Variants in GLS observed in about 807,000 individuals in gnomAD.
The protein encoded by GLS is glutaminase kidney isoform, mitochondrial.
In GLS, 36 loss-of-function variants were observed where a neutral mutation model predicts 86.7. The observed-to-expected ratio is 0.42, with a 90% CI of 0.32 to 0.55. GLS has a LOEUF of 0.55. Ranked by LOEUF, GLS falls within the 20% of genes least tolerant of loss-of-function variation. The probability of loss-of-function intolerance (pLI) is 0.17; values close to 1 mark genes in which losing one functional copy is unlikely to be tolerated. For missense variants in GLS, 528 were observed against 833.4 expected (o/e 0.63, Z 4.51); for synonymous variants, 317 against 305.9 (o/e 1.04, Z -0.38).
At position 190,962,325 on chromosome 2, in the gene GLS, T is replaced by A. The variant is rs967431538; in HGVS notation, c.1854-505T>A. ...ATTCCTTTGGGGCCAATCTTGCTCC[T>A]CCAGTGTGTTTTAGCCCTAATGAGG... On this transcript the variant is annotated intron_variant, in intron 17 of 17. Coordinates refer to ENST00000320717, the MANE Select transcript of GLS (RefSeq NM_014905.5). This position sits in a 1 kb window ranked among gnomAD's most constrained non-coding sequence, Gnocchi z 4.2. Among the ~76,000 whole-genome samples, 2 of 152,210 alleles carry A rather than the reference T, an allele frequency of 1.3e-5. No homozygotes were observed. The highest frequency in any genetic ancestry group is 1.5e-5 in the Non-Finnish European group (1 of 68,042).
chr2:190,953,562 CA>C lies in GLS; in HGVS notation c.1651-2del. On this transcript the variant is annotated splice_acceptor_variant, in intron 14 of 17. Coordinates refer to ENST00000320717, the MANE Select transcript of GLS (RefSeq NM_014905.5). LOFTEE classifies it high-confidence loss of function. This position sits in a 1 kb window ranked among gnomAD's most constrained non-coding sequence, Gnocchi z 4.0. Reference sequence around the variant, plus strand: ...GGATGCCTAAACTTTCTTTTCTTCACAGGTAAAGTCAGTGATAAATCTTTTG... The same window carrying C: ...GGATGCCTAAACTTTCTTTTCTTCACGGTAAAGTCAGTGATAAATCTTTTG... 6.2e-7 allele frequency: 1 copy of C among 1,603,594 alleles called. No individual in the cohort carries two copies.
intron 17 of GLS, among the ~76,000 whole-genome samples, chr2:190,961,353 A>G (rs1299112973): frequency 6.6e-6 from 1 of 152,110 alleles, no homozygotes; most frequent in Non-Finnish European, 1.5e-5. Flanking sequence ...GTGTTCCACC[A>G]CGCCCAGCTA....
chr2:190,956,050 A>T lies in GLS; in HGVS notation c.1853+1232A>T, dbSNP rs1243701423. Among the ~76,000 whole-genome samples the T allele has an allele frequency of 6.6e-6, 1 of 152,060 alleles. No homozygotes were observed. Among genetic ancestry groups the T allele is most frequent in the African/African-American group, 2.4e-5 (1 of 41,398 alleles). Reference sequence around the variant, plus strand: ...TTTGTCAGATGGATAGATCGCAAAAATTTTCTCCCATTCTGTAGGTTGCCT... The same window carrying T: ...TTTGTCAGATGGATAGATCGCAAAATTTTTCTCCCATTCTGTAGGTTGCCT... On this transcript the variant is annotated intron_variant, in intron 17 of 17. Transcript: ENST00000320717. This position sits in a 1 kb window ranked among gnomAD's most constrained non-coding sequence, Gnocchi z 4.2.
Position 190,904,983 on chromosome 2 carries a change from TAAAAA to T in GLS, c.816-20_816-16del. 7.0e-7 allele frequency: 1 copy of T among 1,437,942 alleles called. No homozygotes were observed. The highest frequency in any genetic ancestry group is 9.7e-7 in the Non-Finnish European group (1 of 1,028,744). 89.1% of individuals were successfully genotyped at this position (1,437,942 alleles called of 1,614,324 possible). On this transcript the variant is annotated splice_polypyrimidine_tract_variant and intron_variant, in intron 5 of 17. Coordinates refer to ENST00000320717, the MANE Select transcript of GLS (RefSeq NM_014905.5). ...TTTTTTCCCAGTTGATGTTATTTTT[TAAAAA>T]TCTCCTTTTAAATAGGCATTCTACT...
Position 190,913,306 on chromosome 2 carries a change from T to G in GLS, c.1038+2985T>G. On this transcript the variant is annotated intron_variant, in intron 7 of 17. Transcript: ENST00000320717. The surrounding 1 kb of genome is among the most constrained non-coding windows in gnomAD (Gnocchi z 6.1). ...CAGAAGGAGCCTGTTGCATAAATTC[T>G]TAACTACTAAGCTTATAGGAAAACT... 1 of 1,274,592 alleles carries G rather than the reference T, an allele frequency of 7.8e-7. No homozygotes were observed. Among genetic ancestry groups the G allele is most frequent in the Non-Finnish European group, 1.0e-6 (1 of 977,686 alleles). 79.0% of individuals were successfully genotyped at this position (1,274,592 alleles called of 1,614,324 possible). A position where few individuals can be genotyped will look rare whatever the true frequency, so the allele number is the denominator to read the frequency against.
chr2:190,898,473 A>G (rs1462908010), intron 3 of GLS, among the ~76,000 whole-genome samples: 4 of 152,150 alleles, frequency 2.6e-5, no homozygotes, highest in Non-Finnish European at 5.9e-5. Flanking sequence ...ACTGTTTGGA[A>G]TGGTGATCGG....
chr2:190,906,560 G>C (rs1457098725), intron 6 of GLS, among the ~76,000 whole-genome samples: 1 of 152,106 alleles, frequency 6.6e-6, no homozygotes, highest in Non-Finnish European at 1.5e-5. Flanking sequence ...AAAACATAAA[G>C]TTTAACAAGA....
In GLS at chr2:190,949,819, A is replaced by G. The variant is rs921421778; in HGVS notation, c.1651-3746A>G. ...GTCAATAGATATTTAATGAGCACCT[A>G]TTATGTGTGATAGACACTGAGTTTA... On this transcript the variant is annotated intron_variant, in intron 14 of 17. Transcript: ENST00000320717. The surrounding 1 kb of genome is among the most constrained non-coding windows in gnomAD (Gnocchi z 4.0). 2.0e-5 allele frequency among the ~76,000 whole-genome samples: 3 copies of G among 152,036 alleles called. No individual in the cohort carries two copies. The highest frequency in any genetic ancestry group is 6.6e-5 in the Admixed American group (1 of 15,242).
chr2:190,919,925 A>C (rs1689680872), intron 7 of GLS: 1 of 152,810 alleles, frequency 6.5e-6, no homozygotes, highest in African/African-American at 2.4e-5. Context: ...ATGTGATTGC[A>C]CATCTTTCTT....
chr2:190,915,157 AT>A lies in GLS; in HGVS notation c.1038+4852del, dbSNP rs79204505. Among the ~76,000 whole-genome samples the A allele has an allele frequency of 3.3e-3, 453 of 138,856 alleles. 1 individual carries two copies. Among genetic ancestry groups the A allele is most frequent in the Middle Eastern group, 3.8e-3 (1 of 262 alleles). 91.1% of individuals were successfully genotyped at this position (138,856 alleles called of 152,430 possible). ...AGGCGCCCGCCACTGTGCCTGGCTA[AT>A]TTTTTTTTTTTTTTTGTATTTTTAG... On this transcript the variant is annotated intron_variant, in intron 7 of 17. Transcript: ENST00000320717.
At position 190,904,961 on chromosome 2, in the gene GLS, T is replaced by C. The variant is rs780646438; in HGVS notation, c.816-43T>C. On this transcript the variant is annotated intron_variant, in intron 5 of 17. Transcript: ENST00000320717. ...AATTCCAACTATGCAGTTACATTTTTTTCCCAGTTGATGTTATTTTTTAAA... is the reference window on the plus strand; with the variant it reads ...AATTCCAACTATGCAGTTACATTTTCTTCCCAGTTGATGTTATTTTTTAAA... The C allele has an allele frequency of 3.2e-5, 36 of 1,125,312 alleles. No homozygotes were observed. The East Asian group carries it at 3.8e-4, about 12-fold the overall frequency. 69.7% of individuals were successfully genotyped at this position (1,125,312 alleles called of 1,614,324 possible).
At chr2:190,882,764 G>A (rs1688246534) in intron 1 of GLS, among the ~76,000 whole-genome samples, 1 of 152,202 alleles carries the variant, frequency 6.6e-6, no homozygotes, top group South Asian at 2.1e-4. Flanking sequence ...ACAAAATAGC[G>A]TCCTGACCAT....
In GLS at chr2:190,924,804, A is replaced by C. The variant is rs1689847242; in HGVS notation, c.1248+211A>C. On this transcript the variant is annotated intron_variant, in intron 11 of 17. Transcript: ENST00000320717. The surrounding 1 kb of genome is among the most constrained non-coding windows in gnomAD (Gnocchi z 5.2). ...GTAGTGTGTGCCTGTAGTCCCAGTT[A>C]CTTGTGAGGCTGAGGCAGGAGAATC... 1 of 423,486 alleles carries C rather than the reference A, an allele frequency of 2.4e-6. No homozygotes were observed. Among genetic ancestry groups the C allele is most frequent in the Non-Finnish European group, 4.3e-6 (1 of 231,672 alleles). The allele number at this position is 423,486 out of a possible 1,614,324, so 26.2% of individuals were successfully genotyped here. A position where few individuals can be genotyped will look rare whatever the true frequency, so the allele number is the denominator to read the frequency against.
chr2:190,929,704 A>T (rs1294058652), intron 12 of GLS, among the ~76,000 whole-genome samples: 1 of 152,058 alleles, frequency 6.6e-6, no homozygotes, highest in Non-Finnish European at 1.5e-5. Context: ...TCCTGACCTC[A>T]GGTGATCTGC....
chr2:190,955,747 A>C lies in GLS; in HGVS notation c.1853+929A>C, dbSNP rs1024294393. ...TGAACTAATTTACACTCCCACTAACAGTGTAAAAGCGTTCCTATTTCTCCA... is the reference window on the plus strand; with the variant it reads ...TGAACTAATTTACACTCCCACTAACCGTGTAAAAGCGTTCCTATTTCTCCA... On this transcript the variant is annotated intron_variant, in intron 17 of 17. Transcript: ENST00000320717. The surrounding 1 kb of genome is among the most constrained non-coding windows in gnomAD (Gnocchi z 5.6). Among the ~76,000 whole-genome samples the C allele has an allele frequency of 6.6e-6, 1 of 152,232 alleles. No homozygotes were observed. The highest frequency in any genetic ancestry group is 1.5e-5 in the Non-Finnish European group (1 of 68,046).
chr2:190,955,137 T>A lies in GLS; in HGVS notation c.1853+319T>A, dbSNP rs539808746. Among the ~76,000 whole-genome samples, 892 of 152,086 alleles carry A rather than the reference T, an allele frequency of 5.9e-3. 21 individuals carry two copies. The highest frequency in any genetic ancestry group is 0.053 in the East Asian group (275 of 5,180). ...ATCCTCATGGATTTTAAAAAAAAAATTTTTAAATTACACTTTAAGTTCTGG... is the reference window on the plus strand; with the variant it reads ...ATCCTCATGGATTTTAAAAAAAAAAATTTTAAATTACACTTTAAGTTCTGG... On this transcript the variant is annotated intron_variant, in intron 17 of 17. Coordinates refer to ENST00000320717, the MANE Select transcript of GLS (RefSeq NM_014905.5). This position sits in a 1 kb window ranked among gnomAD's most constrained non-coding sequence, Gnocchi z 5.6.
intron 14 of GLS, among the ~76,000 whole-genome samples, chr2:190,950,639 G>A (rs907516798): frequency 1.3e-5 from 2 of 152,230 alleles, no homozygotes; most frequent in African/African-American, 4.8e-5. Context: ...CCCAGCACAT[G>A]TACCTGGGTG....
At chr2:190,882,834 T>G (rs186600297) in intron 1 of GLS, among the ~76,000 whole-genome samples, 2 of 152,372 alleles carry the variant, frequency 1.3e-5, no homozygotes, top group African/African-American at 2.4e-5. Flanking sequence ...TCTAAAAAGC[T>G]ATACTTCTGT....
chr2:190,943,312 T>G lies in GLS; in HGVS notation c.1651-10253T>G, dbSNP rs1016123967. On this transcript the variant is annotated intron_variant, in intron 14 of 17. Transcript: ENST00000320717. This position sits in a 1 kb window ranked among gnomAD's most constrained non-coding sequence, Gnocchi z 4.5. ...TTTTGTGAGTGGTCAGTATGAAGAGTAGTATTTGAAGCTGGGGTGGTGTGT... is the reference window on the plus strand; with the variant it reads ...TTTTGTGAGTGGTCAGTATGAAGAGGAGTATTTGAAGCTGGGGTGGTGTGT... Among the ~76,000 whole-genome samples, 1 of 151,932 alleles carries G rather than the reference T, an allele frequency of 6.6e-6. No homozygotes were observed. The highest frequency in any genetic ancestry group is 2.4e-5 in the African/African-American group (1 of 41,330).
Sources: gnomAD v4.1 joint callset for allele counts (sites outside exome capture counted in the v4.1 genomes callset) on GRCh38, gnomAD v4.1.1 for gene constraint, Gnocchi (gnomAD v3.1) non-coding constraint, MANE v1.5 for transcripts, NCBI Gene and HGNC (gene_info 2026-07-23, HGNC 2026-07-21) for gene names.